FUT8: variants seen among roughly 807,000 people sequenced by gnomAD.
FUT8 encodes the protein alpha-(1,6)-fucosyltransferase.
In FUT8, 29 loss-of-function variants were observed where a neutral mutation model predicts 71.3. The ratio of observed to expected loss-of-function variants is 0.41; its 90% confidence interval spans 0.30 to 0.55. FUT8 has a LOEUF of 0.55. Among genes scored for constraint, FUT8 ranks in the 20% least tolerant of loss-of-function variants. FUT8 has a pLI of 0.34. For missense variants in FUT8, 544 were observed against 702.1 expected (o/e 0.77, Z 2.55); for synonymous variants, 254 against 239.3 (o/e 1.06, Z -0.57).
intron 6 of FUT8, among the ~76,000 whole-genome samples, chr14:65,637,184 G>C (rs1053410716): frequency 2.2e-4 from 33 of 152,208 alleles, no homozygotes; most frequent in African/African-American, 7.9e-4. Flanking sequence ...AAAACTGCAC[G>C]TTGCTGATAT....
the FUT8 span, among the ~76,000 whole-genome samples, chr14:65,387,495 A>G: frequency 6.6e-6 from 1 of 152,230 alleles, no homozygotes; most frequent in Non-Finnish European, 1.5e-5. Flanking sequence ...GCACAACTCT[A>G]GAACTAGCTC....
intron 2 of FUT8, among the ~76,000 whole-genome samples, chr14:65,513,142 A>G (rs761683919): frequency 2.6e-5 from 4 of 152,180 alleles, no homozygotes; most frequent in Admixed American, 6.5e-5. Context: ...AATCACTTGC[A>G]TCTGGTTCAA....
rs138463679 is a variant in FUT8 at position 65,699,416 on chromosome 14, A to G, written c.836-22359A>G. 2.5e-3 allele frequency among the ~76,000 whole-genome samples: 381 copies of G among 152,250 alleles called. 2 individuals carry two copies. The highest frequency in any genetic ancestry group is 0.014 in the Middle Eastern group (4 of 294). ...TAGGATTGTTCTGGCAATTAAAAGA[A>G]ATAATATTTCTAAGCATGTAGCACA... On this transcript the variant is annotated intron_variant, in intron 7 of 10. Transcript: ENST00000673929.
chr14:65,423,854 A>G (rs1237487480), intron 1 of FUT8, among the ~76,000 whole-genome samples: 1 of 152,228 alleles, frequency 6.6e-6, no homozygotes, highest in Non-Finnish European at 1.5e-5. Flanking sequence ...GAGATAAAAA[A>G]CTATTTCACA....
At chr14:65,662,642 A>G (rs549494418) in intron 6 of FUT8, among the ~76,000 whole-genome samples, 2 of 152,238 alleles carry the variant, frequency 1.3e-5, no homozygotes, top group Non-Finnish European at 2.9e-5. Context: ...TGTCTCTTGA[A>G]ATTATGAGAA....
At chr14:65,651,305 TA>T (rs1219225449) in intron 6 of FUT8, among the ~76,000 whole-genome samples, 11 of 152,246 alleles carry the variant, frequency 7.2e-5, no homozygotes, top group African/African-American at 2.7e-4. Context: ...TCTGCTGTGT[TA>T]TACCACCCAG....
At chr14:65,672,098 T>A (rs965403686) in intron 7 of FUT8, among the ~76,000 whole-genome samples, 2 of 152,232 alleles carry the variant, frequency 1.3e-5, no homozygotes, top group African/African-American at 2.4e-5. Flanking sequence ...CATACCTTAT[T>A]ATGGTTGGTG....
the FUT8 span, among the ~76,000 whole-genome samples, chr14:65,393,586 C>T: frequency 1.3e-5 from 2 of 152,098 alleles, no homozygotes; most frequent in African/African-American, 4.8e-5. Context: ...GAGTGTTAAT[C>T]CATGAAGCCA....
the FUT8 span, among the ~76,000 whole-genome samples, chr14:65,362,525 A>G: frequency 6.6e-6 from 1 of 152,218 alleles, no homozygotes; most frequent in Middle Eastern, 3.4e-3. Context: ...AAACAAACAA[A>G]CAAACAAACA....
In FUT8 at chr14:65,669,632, G is replaced by C. The variant is rs932592000; in HGVS notation, c.835+152G>C. 2 of 522,514 alleles carry C rather than the reference G, an allele frequency of 3.8e-6. No homozygotes were observed. The highest frequency in any genetic ancestry group is 7.2e-5 in the South Asian group (2 of 27,840). The allele number at this position is 522,514 out of a possible 1,614,324, so 32.4% of individuals were successfully genotyped here. A position where few individuals can be genotyped will look rare whatever the true frequency, so the allele number is the denominator to read the frequency against. On this transcript the variant is annotated intron_variant, in intron 7 of 10. Coordinates refer to ENST00000673929, the MANE Select transcript of FUT8 (RefSeq NM_001371533.1). The surrounding 1 kb of genome is among the most constrained non-coding windows in gnomAD (Gnocchi z 4.5). Reference sequence around the variant, plus strand: ...TATCCAGATAAAATCTAGAAGAACAGTATTTTATCTTAAAAGTATTTTATT... The same window carrying C: ...TATCCAGATAAAATCTAGAAGAACACTATTTTATCTTAAAAGTATTTTATT...
chr14:65,658,415 C>T (rs1891798533), intron 6 of FUT8, among the ~76,000 whole-genome samples: 1 of 152,072 alleles, frequency 6.6e-6, no homozygotes, highest in African/African-American at 2.4e-5. Context: ...CAATATGATC[C>T]AGCAATCACA....
At chr14:65,519,352 T>A (rs774128701) in intron 2 of FUT8, among the ~76,000 whole-genome samples, 22 of 152,346 alleles carry the variant, frequency 1.4e-4, no homozygotes, top group Admixed American at 7.8e-4. Context: ...CTAATTTACC[T>A]AATGTTGAAT....
In FUT8 at chr14:65,680,424, T is replaced by G. The variant is rs138095231; in HGVS notation, c.835+10944T>G. On this transcript the variant is annotated intron_variant, in intron 7 of 10. Coordinates refer to ENST00000673929, the MANE Select transcript of FUT8 (RefSeq NM_001371533.1). ...CCATTGTTTTCCGTATTTTTATTCA[T>G]TTGTTCTAGCCTTATCTGTTGAAAA... 1.4e-4 allele frequency among the ~76,000 whole-genome samples: 22 copies of G among 152,360 alleles called. No individual in the cohort carries two copies. The East Asian group carries it at 4.2e-3, about 29-fold the overall frequency.
At position 65,603,345 on chromosome 14, in the gene FUT8, T is replaced by G. The variant is rs1298004606; in HGVS notation, c.204-12633T>G. Among the ~76,000 whole-genome samples the G allele has an allele frequency of 6.6e-6, 1 of 151,868 alleles. No homozygotes were observed. Among genetic ancestry groups the G allele is most frequent in the African/African-American group, 2.4e-5 (1 of 41,412 alleles). ...GTTCAGTTGGTCTTTGTGGCTATTT[T>G]TATACCACTACCACACTGTTTCGGT... On this transcript the variant is annotated intron_variant, in intron 3 of 10. Transcript: ENST00000673929. The surrounding 1 kb of genome is among the most constrained non-coding windows in gnomAD (Gnocchi z 4.5).
At position 65,616,210 on chromosome 14, in the gene FUT8, G is replaced by T; in HGVS notation, c.320-1G>T. On this transcript the variant is annotated splice_acceptor_variant, in intron 4 of 10. Transcript: ENST00000673929. LOFTEE classifies it high-confidence loss of function. The stretch of plus-strand genomic sequence containing the variant: ...TACAACTCTCTATTCTTTGACTACA[G>T]GTCTGGGGAAGGATCATGAAATCCT... The T allele has an allele frequency of 6.2e-7, 1 of 1,603,514 alleles. No homozygotes were observed. Among genetic ancestry groups the T allele is most frequent in the Non-Finnish European group, 8.5e-7 (1 of 1,175,536 alleles).
intron 7 of FUT8, among the ~76,000 whole-genome samples, chr14:65,714,876 T>C (rs1894977069): frequency 6.6e-6 from 1 of 152,114 alleles, no homozygotes; most frequent in African/African-American, 2.4e-5. Flanking sequence ...GGATTTCTTT[T>C]TCAGGTTGTT....
Position 65,472,563 on chromosome 14 carries a change from TA to T in FUT8, c.-228+16856del, listed in dbSNP as rs565384925. ...GGTTTATTTTTATATTCTTATACTG[TA>T]AAAAAAAAAACAACTTTATTTTTAT... On this transcript the variant is annotated intron_variant, in intron 2 of 10. Coordinates refer to ENST00000673929, the MANE Select transcript of FUT8 (RefSeq NM_001371533.1). This position sits in a 1 kb window ranked among gnomAD's most constrained non-coding sequence, Gnocchi z 4.4. Among the ~76,000 whole-genome samples the T allele has an allele frequency of 3.9e-4, 57 of 144,912 alleles. No homozygotes were observed. The highest frequency in any genetic ancestry group is 6.6e-4 in the African/African-American group (26 of 39,628).
At chr14:65,677,151 T>TGCGCGCGCGCGCGCAC (rs1555383259) in intron 7 of FUT8, among the ~76,000 whole-genome samples, 29 of 110,702 alleles carry the variant, frequency 2.6e-4, no homozygotes, top group Non-Finnish European at 4.5e-4. Flanking sequence ...TGTGTGTGTG[T>TGCGCGCGCGCGCGCAC]GCGCGCGCGC....
At chr14:65,471,138 GTAATT>G (rs775347462) in intron 2 of FUT8, 51 of 429,550 alleles carry the variant, frequency 1.2e-4, no homozygotes, top group Non-Finnish European at 1.8e-4. Context: ...CTATAGTCCT[GTAATT>G]AGATCTCAGG....
Sources: allele counts gnomAD v4.1 joint callset (sites outside exome capture counted in the v4.1 genomes callset), GRCh38; gene constraint gnomAD v4.1.1; non-coding constraint Gnocchi (gnomAD v3.1); transcripts MANE v1.5; gene names NCBI Gene and HGNC (gene_info 2026-07-23, HGNC 2026-07-21).